FBXW11: variants seen among roughly 807,000 people sequenced by gnomAD.
FBXW11 encodes F-box and WD repeat domain containing 11.
Under a neutral mutation model 77.6 loss-of-function variants are expected in FBXW11, and 19 were observed. The ratio of observed to expected loss-of-function variants is 0.24; its 90% CI spans 0.17 to 0.36. The LOEUF (loss-of-function observed/expected upper bound fraction) is 0.36, where lower values mean the gene tolerates loss of function less well. FBXW11 is among the 10% of genes least tolerant of loss of function. FBXW11 has a pLI of 1.00. For synonymous variants in FBXW11, 235 were observed against 249.4 expected (o/e 0.94, Z 0.54); for missense variants, 334 against 704.2 (o/e 0.47, Z 5.95).
intron 7 of FBXW11, among the ~76,000 whole-genome samples, chr5:171,883,900 T>C (rs1341687427): frequency 2.0e-5 from 3 of 152,222 alleles, no homozygotes; most frequent in Admixed American, 1.3e-4. Context: ...TTTGTTTTTT[T>C]CTTGTTGATT....
intron 10 of FBXW11, 81 bp from the exon 11 acceptor site, chr5:171,870,939 T>C: frequency 1.1e-6 from 1 of 904,208 alleles, no homozygotes; most frequent in South Asian, 1.5e-5. Flanking sequence ...ATCTGTTCCA[T>C]ACAGATACAA....
intron 6 of FBXW11, among the ~76,000 whole-genome samples, chr5:171,893,008 G>A (rs188000701): frequency 5.3e-5 from 8 of 152,252 alleles, no homozygotes; most frequent in African/African-American, 1.4e-4. Context: ...AAAGCTACAT[G>A]CCAGGCACTA....
chr5:171,969,129 G>T (rs1199322124), intron 1 of FBXW11, among the ~76,000 whole-genome samples: 1 of 152,136 alleles, frequency 6.6e-6, no homozygotes, highest in East Asian at 1.9e-4. Flanking sequence ...TTAGCCAGGC[G>T]TGGTGGCACA....
At chr5:171,872,700 G>C (rs754658398) in intron 10 of FBXW11, among the ~76,000 whole-genome samples, 172 bp downstream of exon 10, 2 of 152,162 alleles carry the variant, frequency 1.3e-5, no homozygotes, top group African/African-American at 2.4e-5. Context: ...GGGCACACAC[G>C]GTTTTCCCAC....
At position 171,957,816 on chromosome 5, in the gene FBXW11, G is replaced by C. The variant is rs1017517624; in HGVS notation, c.46-118C>G. On this transcript the variant is annotated intron_variant, in intron 1 of 13. Coordinates refer to ENST00000517395, the MANE Select transcript of FBXW11 (RefSeq NM_001378974.1). ...CAGGGGGTGCACCCTTGGCAGTTTG[G>C]AGGTTAGGGATGGTCCCAGACAGCT... 4 of 809,418 alleles carry C rather than the reference G, an allele frequency of 4.9e-6. No individual in the cohort carries two copies. The African/African-American group carries it at 6.8e-5, about 14-fold the overall frequency. The allele number at this position is 809,418 out of a possible 1,614,324, so 50.1% of individuals were successfully genotyped here.
chr5:171,982,009 G>A (rs1765173349), intron 1 of FBXW11, among the ~76,000 whole-genome samples: 1 of 152,108 alleles, frequency 6.6e-6, no homozygotes, highest in African/African-American at 2.4e-5. Flanking sequence ...AGGTTATTTA[G>A]GGCTGGGGCA....
At chr5:171,941,415 G>A (rs1461957891) in intron 2 of FBXW11, among the ~76,000 whole-genome samples, 1 of 151,598 alleles carries the variant, frequency 6.6e-6, no homozygotes, top group Non-Finnish European at 1.5e-5. Flanking sequence ...AACTAAAGAA[G>A]TGTGACAACT....
At chr5:171,913,850 C>T (rs924783430) in intron 3 of FBXW11, among the ~76,000 whole-genome samples, 4 of 151,504 alleles carry the variant, frequency 2.6e-5, no homozygotes, top group African/African-American at 4.8e-5. Flanking sequence ...CACACACACA[C>T]ACACACACAC....
At chr5:171,967,828 A>T (rs1764279230) in intron 1 of FBXW11, among the ~76,000 whole-genome samples, 1 of 144,180 alleles carries the variant, frequency 6.9e-6, no homozygotes. Context: ...AACAAGAGCG[A>T]GACTCTGTCT....
intron 2 of FBXW11, among the ~76,000 whole-genome samples, chr5:171,926,388 C>T (rs1761892245): frequency 6.6e-6 from 1 of 152,200 alleles, no homozygotes; most frequent in Non-Finnish European, 1.5e-5. Context: ...ACACAGTTTG[C>T]ATCTGTGTCC....
At chr5:171,906,074 C>T (rs1422938472) in intron 4 of FBXW11, among the ~76,000 whole-genome samples, 3 of 152,214 alleles carry the variant, frequency 2.0e-5, no homozygotes, top group East Asian at 3.8e-4. Context: ...ATGTAAATAA[C>T]ACTGTATCAA....
chr5:171,970,126 G>A (rs1426830777), intron 1 of FBXW11, among the ~76,000 whole-genome samples: 1 of 152,126 alleles, frequency 6.6e-6, no homozygotes, highest in Non-Finnish European at 1.5e-5. Context: ...ATAAAAGTTG[G>A]CCCTGTTAAA....
intron 1 of FBXW11, among the ~76,000 whole-genome samples, chr5:171,977,035 CAAA>C (rs773469488): frequency 8.1e-6 from 1 of 122,904 alleles, no homozygotes; most frequent in Non-Finnish European, 1.8e-5. Context: ...AACTCCAACT[CAAA>C]AAAAAAAAAA....
At position 171,974,944 on chromosome 5, in the gene FBXW11, G is replaced by A. The variant is rs1042741781; in HGVS notation, c.46-17246C>T. ...CAAGTGGCTAGGACTACAGGCACGCGCCACCACGCCCGGTTAATTTTGTAT... is the reference window on the plus strand; with the variant it reads ...CAAGTGGCTAGGACTACAGGCACGCACCACCACGCCCGGTTAATTTTGTAT... On this transcript the variant is annotated intron_variant, in intron 1 of 13. Transcript: ENST00000517395. Among the ~76,000 whole-genome samples the A allele has an allele frequency of 7.9e-5, 12 of 152,216 alleles. No homozygotes were observed. In the South Asian group the frequency reaches 8.3e-4, roughly 11 times the overall value.
intron 1 of FBXW11, chr5:171,977,495 T>C (rs1764904135): frequency 2.6e-6 from 1 of 382,798 alleles, no homozygotes; most frequent in Non-Finnish European, 5.2e-6. Context: ...CTCGCCCCCA[T>C]GGAGATTACT....
intron 2 of FBXW11, among the ~76,000 whole-genome samples, chr5:171,940,274 G>A (rs1381197985): frequency 6.6e-6 from 1 of 152,208 alleles, no homozygotes; most frequent in Non-Finnish European, 1.5e-5. Flanking sequence ...AGATCTGTGA[G>A]ACTAGACTAG....
At chr5:171,979,793 G>A (rs1765046945) in intron 1 of FBXW11, among the ~76,000 whole-genome samples, 1 of 152,156 alleles carries the variant, frequency 6.6e-6, no homozygotes, top group South Asian at 2.1e-4. Context: ...TCTGCAGAAA[G>A]GGTACACTCG....
At chr5:171,958,944 T>G (rs2113330979) in intron 1 of FBXW11, among the ~76,000 whole-genome samples, 2 of 151,982 alleles carry the variant, frequency 1.3e-5, no homozygotes, top group African/African-American at 4.8e-5. Context: ...CCCTCATAAC[T>G]TTCACTCTCA....
At position 171,904,564 on chromosome 5, in the gene FBXW11, G is replaced by T. The variant is rs1296178607; in HGVS notation, c.437-4464C>A. Among the ~76,000 whole-genome samples the T allele has an allele frequency of 6.6e-6, 1 of 151,918 alleles. No homozygotes were observed. Among genetic ancestry groups the T allele is most frequent in the East Asian group, 1.9e-4 (1 of 5,182 alleles). On this transcript the variant is annotated intron_variant, in intron 4 of 13. Transcript: ENST00000517395. This position sits in a 1 kb window ranked among gnomAD's most constrained non-coding sequence, Gnocchi z 4.0. ...GGTAAGGCCCAGGAATCTGGGTGTG[G>T]TTTTTTTGTTGTTGTTGTTGTTTTT...
Sources: gnomAD v4.1 joint callset for allele counts (sites outside exome capture counted in the v4.1 genomes callset) on GRCh38, gnomAD v4.1.1 for gene constraint, Gnocchi (gnomAD v3.1) non-coding constraint, MANE v1.5 for transcripts, NCBI Gene and HGNC (gene_info 2026-07-23, HGNC 2026-07-21) for gene names.